The following FSTL4 variants were observed in gnomAD, a reference collection of about 807,000 sequenced individuals.
FSTL4 encodes follistatin-related protein 4.
In FSTL4, 28 loss-of-function variants were observed where a neutral mutation model predicts 78.2. That is an observed-to-expected ratio of 0.36 (90% confidence interval 0.27 to 0.49). FSTL4 has a LOEUF of 0.49. FSTL4 is among the 20% of genes least tolerant of loss of function. The probability of loss-of-function intolerance (pLI) is 0.98; values close to 1 mark genes in which losing one functional copy is unlikely to be tolerated. For missense variants in FSTL4, 922 were observed against 1,084.9 expected, an observed-to-expected ratio of 0.85 and a Z score of 2.11; for synonymous variants, 422 against 440.5, an observed-to-expected ratio of 0.96 and a Z score of 0.53.
intron 4 of FSTL4, among the ~76,000 whole-genome samples, chr5:133,395,309 G>A (rs545946102): frequency 7.9e-5 from 12 of 152,198 alleles, no homozygotes; most frequent in South Asian, 2.1e-4. Context: ...CGAACCCAGC[G>A]GGAGGAATGA....
chr5:133,618,008 T>A, the FSTL4 span, among the ~76,000 whole-genome samples: 1 of 152,296 alleles, frequency 6.6e-6, no homozygotes, highest in East Asian at 1.9e-4. Flanking sequence ...TCCTGACAAA[T>A]GCAGTAGCCC....
At chr5:133,374,358 C>A (rs1030505910) in intron 4 of FSTL4, among the ~76,000 whole-genome samples, 2 of 152,106 alleles carry the variant, frequency 1.3e-5, no homozygotes, top group African/African-American at 4.8e-5. Flanking sequence ...GGGTTCTGGG[C>A]CCAGGGCACA....
At chr5:133,748,934 G>A in the FSTL4 span, among the ~76,000 whole-genome samples, 1 of 152,178 alleles carries the variant, frequency 6.6e-6, no homozygotes, top group African/African-American at 2.4e-5. Flanking sequence ...AAAGCCCAGA[G>A]ATGCAAACCT....
intron 3 of FSTL4, among the ~76,000 whole-genome samples, chr5:133,528,602 C>T (rs114812674): frequency 6.6e-6 from 1 of 152,194 alleles, no homozygotes; most frequent in Non-Finnish European, 1.5e-5. Flanking sequence ...CAGAGCCTGG[C>T]ACGCTCCTCT....
intron 2 of FSTL4, among the ~76,000 whole-genome samples, chr5:133,591,428 T>C (rs1232373390): frequency 6.6e-6 from 1 of 152,182 alleles, no homozygotes; most frequent in Non-Finnish European, 1.5e-5. Context: ...CACGTTTCTC[T>C]GTGTGCTTGC....
At chr5:133,453,806 G>A (rs889540923) in intron 3 of FSTL4, among the ~76,000 whole-genome samples, 2 of 152,208 alleles carry the variant, frequency 1.3e-5, no homozygotes, top group African/African-American at 4.8e-5. Flanking sequence ...CAGGTTGAGG[G>A]GATGGAGGCT....
the FSTL4 span, among the ~76,000 whole-genome samples, chr5:133,800,651 G>A: frequency 7.3e-6 from 1 of 137,198 alleles, no homozygotes. Context: ...TAACTACTTC[G>A]CAGCCCTTTC....
chr5:133,577,767 A>T (rs1343805533), intron 2 of FSTL4, among the ~76,000 whole-genome samples: 1 of 152,180 alleles, frequency 6.6e-6, no homozygotes, highest in Admixed American at 6.5e-5. Context: ...TTAGCTGGGC[A>T]TGGTGGTGCC....
At chr5:133,841,083 C>G in the FSTL4 span, among the ~76,000 whole-genome samples, 1 of 152,248 alleles carries the variant, frequency 6.6e-6, no homozygotes, top group Non-Finnish European at 1.5e-5. Flanking sequence ...GATGAAATCA[C>G]AGTCACCTCT....
At chr5:133,466,701 G>A (rs1757715758) in intron 3 of FSTL4, among the ~76,000 whole-genome samples, 2 of 152,204 alleles carry the variant, frequency 1.3e-5, no homozygotes, top group African/African-American at 4.8e-5. Flanking sequence ...AAGTGAACAG[G>A]GCAAGGCCCT....
In FSTL4 at chr5:133,391,804, C is replaced by T. The variant is rs545747235; in HGVS notation, c.409+8934G>A. ...CCCCCCGGCCTGCTGCAGACCTTTGCCCAAATGTCACTTCTCATATCAGAG... is the reference window on the plus strand; with the variant it reads ...CCCCCCGGCCTGCTGCAGACCTTTGTCCAAATGTCACTTCTCATATCAGAG... On this transcript the variant is annotated intron_variant, in intron 4 of 15. Coordinates refer to ENST00000265342, the MANE Select transcript of FSTL4 (RefSeq NM_015082.2). Among the ~76,000 whole-genome samples, 16 of 152,296 alleles carry T rather than the reference C, an allele frequency of 1.1e-4. No individual in the cohort carries two copies. The South Asian group carries it at 2.5e-3, about 24-fold the overall frequency.
chr5:133,699,744 A>G, the FSTL4 span, among the ~76,000 whole-genome samples: 53,302 of 151,734 alleles, frequency 0.35, 10,246 homozygotes, highest in African/African-American at 0.51. Flanking sequence ...AGCCAGGTGC[A>G]GTGGCGGGCA....
intron 3 of FSTL4, among the ~76,000 whole-genome samples, chr5:133,425,492 G>T (rs1328203686): frequency 6.6e-6 from 1 of 152,208 alleles, no homozygotes; most frequent in Non-Finnish European, 1.5e-5. Flanking sequence ...AAGCTATGTC[G>T]AATGTGAGTT....
At chr5:133,839,807 G>C in the FSTL4 span, among the ~76,000 whole-genome samples, 3 of 152,214 alleles carry the variant, frequency 2.0e-5, no homozygotes, top group East Asian at 5.8e-4. Flanking sequence ...GCTGATGAAT[G>C]CATCAACCTT....
the FSTL4 span, among the ~76,000 whole-genome samples, chr5:133,735,798 G>A: frequency 6.6e-6 from 1 of 152,142 alleles, no homozygotes; most frequent in Non-Finnish European, 1.5e-5. Flanking sequence ...ATGGTCCTAA[G>A]CATAAGATAA....
Position 133,488,293 on chromosome 5 carries a change from T to G in FSTL4, c.160+78893A>C, listed in dbSNP as rs560378009. Among the ~76,000 whole-genome samples, 165 of 152,332 alleles carry G rather than the reference T, an allele frequency of 1.1e-3. 1 individual carries two copies. The highest frequency in any genetic ancestry group is 3.8e-3 in the African/African-American group (159 of 41,584). On this transcript the variant is annotated intron_variant, in intron 3 of 15. Transcript: ENST00000265342. ...TTTTTGAGATGGAGTCTCACCCTGT[T>G]GCCCAGGCTGGAGTGCAGTGGCACA...
intron 3 of FSTL4, among the ~76,000 whole-genome samples, chr5:133,552,992 A>G (rs1330372033): frequency 6.6e-6 from 1 of 152,232 alleles, no homozygotes; most frequent in East Asian, 1.9e-4. Context: ...GTTCAGGGCA[A>G]GCGACCTCTG....
At chr5:133,231,873 A>G (rs772500471) in intron 8 of FSTL4, among the ~76,000 whole-genome samples, 11 of 152,176 alleles carry the variant, frequency 7.2e-5, no homozygotes, top group Non-Finnish European at 1.5e-4. Context: ...CTTCAAGTGA[A>G]AATATTTGCA....
chr5:133,411,598 G>C (rs749522099), intron 3 of FSTL4, among the ~76,000 whole-genome samples: 6 of 152,114 alleles, frequency 3.9e-5, no homozygotes, highest in Non-Finnish European at 8.8e-5. Flanking sequence ...AAAACTCTAA[G>C]GACAAAGAAA....
Sources: allele counts gnomAD v4.1 joint callset (sites outside exome capture counted in the v4.1 genomes callset), GRCh38; gene constraint gnomAD v4.1.1; transcripts MANE v1.5; gene names NCBI Gene and HGNC (gene_info 2026-07-23, HGNC 2026-07-21).